SH3RF3: variants seen among roughly 807,000 people sequenced by gnomAD.
SH3RF3 encodes SH3 domain containing ring finger 3.
A neutral mutation model predicts 66.3 loss-of-function variants in SH3RF3; 29 were observed. The observed-to-expected ratio is 0.44, with a 90% CI of 0.33 to 0.60. The LOEUF (loss-of-function observed/expected upper bound fraction) is 0.60. SH3RF3 is among the 20% of genes least tolerant of loss of function. The pLI is 0.04. For synonymous variants in SH3RF3, 583 were observed against 532.0 expected (o/e 1.10, Z -1.32); for missense variants, 1,194 against 1,190.9 (o/e 1.00, Z -0.04).
chr2:109,140,385 C>G (rs1274094257), intron 1 of SH3RF3, among the ~76,000 whole-genome samples: 1 of 151,790 alleles, frequency 6.6e-6, no homozygotes, highest in East Asian at 1.9e-4. Context: ...AAATTTCTTG[C>G]CTTTTTTTTT....
chr2:109,247,194 G>A (rs1296186157), intron 1 of SH3RF3, among the ~76,000 whole-genome samples: 2 of 152,154 alleles, frequency 1.3e-5, no homozygotes, highest in African/African-American at 2.4e-5. Flanking sequence ...ATGAGATAAG[G>A]GAGAACAGAA....
rs1678037215 is a variant in SH3RF3 at position 109,455,758 on chromosome 2, G to A, written c.2148+6269G>A. Among the ~76,000 whole-genome samples the A allele has an allele frequency of 2.0e-5, 3 of 152,188 alleles. No homozygotes were observed. In the South Asian group the frequency reaches 6.2e-4, roughly 31 times the overall value. On this transcript the variant is annotated intron_variant, in intron 8 of 9. Coordinates refer to ENST00000309415, the MANE Select transcript of SH3RF3 (RefSeq NM_001099289.3). ...TCCCAGTTCTGTCGACAGGCAGCCGGGGAAGCCAGCTGCTGCCAGCGCTCA... is the reference window on the plus strand; with the variant it reads ...TCCCAGTTCTGTCGACAGGCAGCCGAGGAAGCCAGCTGCTGCCAGCGCTCA...
intron 9 of SH3RF3, among the ~76,000 whole-genome samples, chr2:109,496,033 C>T (rs1679251302): frequency 6.6e-6 from 1 of 152,188 alleles, no homozygotes; most frequent in South Asian, 2.1e-4. Context: ...GACAAAGCTT[C>T]CACATGGAAG....
intron 8 of SH3RF3, among the ~76,000 whole-genome samples, chr2:109,463,833 C>A (rs1678269152): frequency 1.3e-5 from 2 of 152,304 alleles, no homozygotes; most frequent in South Asian, 4.1e-4. Context: ...GTGGAGGCCC[C>A]TTTCTCCCTG....
intron 8 of SH3RF3, among the ~76,000 whole-genome samples, chr2:109,476,717 T>G (rs1678692959): frequency 6.6e-6 from 1 of 152,166 alleles, no homozygotes; most frequent in Non-Finnish European, 1.5e-5. Flanking sequence ...GCAAGTTTGT[T>G]AGGAAAGTAA....
chr2:109,239,901 C>T (rs900633459), intron 1 of SH3RF3, among the ~76,000 whole-genome samples: 3 of 152,234 alleles, frequency 2.0e-5, no homozygotes, highest in East Asian at 3.8e-4. Flanking sequence ...GGTGAGGAGT[C>T]ACTCAATCAC....
chr2:109,234,502 G>A (rs1318214341), intron 1 of SH3RF3, among the ~76,000 whole-genome samples: 1 of 152,238 alleles, frequency 6.6e-6, no homozygotes, highest in East Asian at 1.9e-4. Context: ...TTCTCAGCGA[G>A]TAGCTTGTAT....
At chr2:109,415,867 C>G (rs13429344) in intron 4 of SH3RF3, among the ~76,000 whole-genome samples, 4,547 of 152,284 alleles carry the variant, frequency 0.03, 208 homozygotes, top group African/African-American at 0.097. Flanking sequence ...CCAGGCGCAG[C>G]ACTGAGAGGT....
intron 1 of SH3RF3, among the ~76,000 whole-genome samples, chr2:109,237,928 G>A (rs936372194): frequency 5.3e-5 from 8 of 152,322 alleles, no homozygotes; most frequent in African/African-American, 1.9e-4. Context: ...TTAGTGTTAT[G>A]CCACCAAATT....
chr2:109,174,056 C>T (rs1574487436), intron 1 of SH3RF3, among the ~76,000 whole-genome samples: 1 of 152,234 alleles, frequency 6.6e-6, no homozygotes. Context: ...TTGGTGGCTG[C>T]TCCCACAGTG....
intron 1 of SH3RF3, among the ~76,000 whole-genome samples, chr2:109,314,461 A>G (rs983678929): frequency 3.3e-5 from 5 of 152,196 alleles, no homozygotes; most frequent in Admixed American, 6.5e-5. Flanking sequence ...GCCCTGGGGA[A>G]AGCAGGTCAG....
chr2:109,471,081 G>A (rs1248627084), intron 8 of SH3RF3, among the ~76,000 whole-genome samples: 2 of 151,970 alleles, frequency 1.3e-5, no homozygotes, highest in African/African-American at 4.8e-5. Context: ...TTAGTTGGGT[G>A]TGTTGGCAGG....
At chr2:109,204,004 T>C (rs966549073) in intron 1 of SH3RF3, among the ~76,000 whole-genome samples, 2 of 152,116 alleles carry the variant, frequency 1.3e-5, no homozygotes, top group African/African-American at 2.4e-5. Flanking sequence ...GGGCTCTGAG[T>C]GTGAAAACCC....
At chr2:109,318,691 A>ACGCCCTGGCCAGAATCCGGGGC (rs1681944648) in intron 1 of SH3RF3, among the ~76,000 whole-genome samples, 1 of 152,168 alleles carries the variant, frequency 6.6e-6, no homozygotes, top group African/African-American at 2.4e-5. Flanking sequence ...CTCTCAGATC[A>ACGCCCTGGCCAGAATCCGGGGC]TGCCCTGGCC....
intron 5 of SH3RF3, among the ~76,000 whole-genome samples, chr2:109,428,960 C>G (rs1464766019): frequency 6.6e-6 from 1 of 152,196 alleles, no homozygotes; most frequent in Non-Finnish European, 1.5e-5. Context: ...TGGCTCGCCA[C>G]TGAGTGCAGG....
intron 8 of SH3RF3, among the ~76,000 whole-genome samples, chr2:109,450,738 C>T (rs1253250637): frequency 6.6e-6 from 1 of 152,214 alleles, no homozygotes; most frequent in Non-Finnish European, 1.5e-5. Context: ...GGCCCATGCA[C>T]TGCCTGAGGC....
chr2:109,196,915 A>G (rs1034379520), intron 1 of SH3RF3, among the ~76,000 whole-genome samples: 3 of 152,184 alleles, frequency 2.0e-5, no homozygotes, highest in African/African-American at 7.2e-5. Context: ...GGCTGGCACT[A>G]CTTGCTGAGT....
chr2:109,407,982 C>T (rs13400655), intron 4 of SH3RF3, among the ~76,000 whole-genome samples: 9,914 of 152,190 alleles, frequency 0.065, 698 homozygotes, highest in African/African-American at 0.17. Flanking sequence ...ACCAGATCCA[C>T]GGGTTTCTGC....
intron 3 of SH3RF3, among the ~76,000 whole-genome samples, chr2:109,385,688 C>G (rs1016357764): frequency 2.6e-5 from 4 of 152,236 alleles, no homozygotes; most frequent in African/African-American, 9.6e-5. Flanking sequence ...CACAAGCTCT[C>G]AGACCTCAAG....
Sources: allele counts gnomAD v4.1 joint callset (sites outside exome capture counted in the v4.1 genomes callset), GRCh38; gene constraint gnomAD v4.1.1; transcripts MANE v1.5; gene names NCBI Gene and HGNC (gene_info 2026-07-23, HGNC 2026-07-21).